Variants in RAB11FIP4 observed in about 807,000 individuals in gnomAD.
The protein encoded by RAB11FIP4 is rab11 family-interacting protein 4.
A neutral mutation model predicts 74.3 loss-of-function variants in RAB11FIP4; 23 were observed. That is an observed-to-expected ratio of 0.31 (90% CI 0.22 to 0.44). The LOEUF is 0.44. Among genes scored for constraint, RAB11FIP4 ranks in the 20% least tolerant of loss-of-function variants. The pLI is 1.00. For synonymous variants in RAB11FIP4, 360 were observed against 359.9 expected, an observed-to-expected ratio of 1.00 and a Z score of 0.00; for missense variants, 630 against 863.9, an observed-to-expected ratio of 0.73 and a Z score of 3.39.
chr17:31,400,799 G>A (rs1444692885), intron 1 of RAB11FIP4, among the ~76,000 whole-genome samples: 3 of 152,228 alleles, frequency 2.0e-5, no homozygotes, highest in Admixed American at 6.5e-5. Flanking sequence ...AGACCTGAGT[G>A]CAGCTGTGGA....
At chr17:31,482,443 T>C (rs564662237) in intron 3 of RAB11FIP4, among the ~76,000 whole-genome samples, 1 of 152,118 alleles carries the variant, frequency 6.6e-6, no homozygotes, top group South Asian at 2.1e-4. Context: ...TACAAAAAGT[T>C]AGCTAAGTGT....
Position 31,535,059 on chromosome 17 carries a change from A to C in RAB11FIP4, c.*3327A>C, listed in dbSNP as rs1385349547. ...GTTTATCCTAGATTATTTTATTTTA[A>C]ATTGGTAGAATTCTTTGCGAACTGT... On this transcript the variant is annotated 3_prime_UTR_variant, in exon 15 of 15. Transcript: ENST00000621161. The C allele has an allele frequency of 2.6e-5, 4 of 152,606 alleles. No homozygotes were observed. The East Asian group carries it at 7.7e-4, about 29-fold the overall frequency. The allele number at this position is 152,606 out of a possible 1,614,324, so 9.5% of individuals were successfully genotyped here.
In RAB11FIP4 at chr17:31,528,751, C is replaced by T. The variant is rs866330533; in HGVS notation, c.1626C>T (p.Leu542=). The change falls in exon 13 of 15, where the codon CTC becomes CTT. Residue 542 remains leucine, a synonymous_variant. Transcript: ENST00000621161. ...EFNARAREVE[L]EHEVKRLKQE... ...ATGCCAGGGCCCGCGAGGTGGAGCT[C>T]GAGCACGAGGTCAAGCGGCTCAAGC... The T allele has an allele frequency of 4.3e-6, 7 of 1,610,626 alleles. No homozygotes were observed. The highest frequency in any genetic ancestry group is 1.1e-5 in the South Asian group (1 of 90,868).
In RAB11FIP4 at chr17:31,512,088, C is replaced by G. The variant is rs1023322191; in HGVS notation, c.337-5563C>G. Among the ~76,000 whole-genome samples the G allele has an allele frequency of 3.9e-5, 6 of 152,318 alleles. No individual in the cohort carries two copies. Among genetic ancestry groups the G allele is most frequent in the East Asian group, 1.9e-4 (1 of 5,174 alleles). ...CAGGTAATTCCTCAGCTTGGCTTCT[C>G]TGAGGAGGGTGGGCGTCCCTCCTGG... On this transcript the variant is annotated intron_variant, in intron 3 of 14. Coordinates refer to ENST00000621161, the MANE Select transcript of RAB11FIP4 (RefSeq NM_032932.6). This position sits in a 1 kb window ranked among gnomAD's most constrained non-coding sequence, Gnocchi z 4.1.
chr17:31,537,908 A>G lies in RAB11FIP4; in HGVS notation c.*6176A>G, dbSNP rs1567701324. ...GTCTTCTGAGGCCTACGTGGAATGA[A>G]CTACACATGTGGCCTCATGCCCAAG... On this transcript the variant is annotated 3_prime_UTR_variant, in exon 15 of 15. Coordinates refer to ENST00000621161, the MANE Select transcript of RAB11FIP4 (RefSeq NM_032932.6). The G allele has an allele frequency of 6.6e-6, 1 of 152,646 alleles. No individual in the cohort carries two copies. The highest frequency in any genetic ancestry group is 1.5e-5 in the Non-Finnish European group (1 of 68,068). The allele number at this position is 152,646 out of a possible 1,614,324, so 9.5% of individuals were successfully genotyped here.
chr17:31,483,142 G>T (rs562515413), intron 3 of RAB11FIP4, among the ~76,000 whole-genome samples: 1 of 137,022 alleles, frequency 7.3e-6, no homozygotes, highest in Non-Finnish European at 1.5e-5. Context: ...GCAGTGAGCC[G>T]AGATCATGCC....
intron 3 of RAB11FIP4, among the ~76,000 whole-genome samples, chr17:31,453,537 C>G (rs750718057): frequency 2.6e-5 from 4 of 151,754 alleles, no homozygotes; most frequent in Non-Finnish European, 5.9e-5. Context: ...CTCGTGTCTT[C>G]CTCCCAGGGT....
At chr17:31,394,296 T>G (rs1203477205) in intron 1 of RAB11FIP4, among the ~76,000 whole-genome samples, 1 of 152,260 alleles carries the variant, frequency 6.6e-6, no homozygotes, top group Non-Finnish European at 1.5e-5. Context: ...CTGTGCATAC[T>G]GTTTTGTAAC....
chr17:31,392,924 C>T (rs2070889596), intron 1 of RAB11FIP4, among the ~76,000 whole-genome samples: 1 of 152,174 alleles, frequency 6.6e-6, no homozygotes, highest in African/African-American at 2.4e-5. Flanking sequence ...GGCCTCAGGC[C>T]CTGCATGGGG....
At chr17:31,499,983 A>G (rs895179704) in intron 3 of RAB11FIP4, among the ~76,000 whole-genome samples, 1 of 152,160 alleles carries the variant, frequency 6.6e-6, no homozygotes, top group African/African-American at 2.4e-5. Context: ...AATCCCCAAC[A>G]GTTTGCCTCC....
chr17:31,437,591 C>G (rs1419522153), intron 3 of RAB11FIP4, among the ~76,000 whole-genome samples: 1 of 152,160 alleles, frequency 6.6e-6, no homozygotes, highest in Non-Finnish European at 1.5e-5. Context: ...GGCAGGCGCT[C>G]CATCCCTGTG....
chr17:31,528,315 A>G, intron 11 of RAB11FIP4, 91 bp from the exon 12 acceptor site: 3 of 1,447,500 alleles, frequency 2.1e-6, no homozygotes, highest in Non-Finnish European at 2.8e-6. Context: ...CTGCCTCGTG[A>G]AGATGGCTGA....
chr17:31,441,745 C>G (rs2071409091), intron 3 of RAB11FIP4, among the ~76,000 whole-genome samples: 1 of 151,882 alleles, frequency 6.6e-6, no homozygotes, highest in Non-Finnish European at 1.5e-5. Flanking sequence ...CCAGGCTGGC[C>G]TCGAACTCCT....
At chr17:31,516,784 G>A (rs556581912) in intron 3 of RAB11FIP4, among the ~76,000 whole-genome samples, 1 of 152,314 alleles carries the variant, frequency 6.6e-6, no homozygotes, top group South Asian at 2.1e-4. Flanking sequence ...GAAAACGAAA[G>A]TACACTCCAC....
intron 3 of RAB11FIP4, among the ~76,000 whole-genome samples, chr17:31,503,193 T>G (rs8070244): frequency 6.6e-6 from 1 of 150,760 alleles, no homozygotes; most frequent in Non-Finnish European, 1.5e-5. Context: ...CCACCACGCC[T>G]GGCTAATTTT....
intron 1 of RAB11FIP4, among the ~76,000 whole-genome samples, chr17:31,399,452 C>A (rs868446728): frequency 7.2e-5 from 11 of 152,290 alleles, no homozygotes; most frequent in Middle Eastern, 3.4e-3. Flanking sequence ...GTGGCTCAAC[C>A]CTGTCATCCC....
chr17:31,525,375 C>CT lies in RAB11FIP4; in HGVS notation c.1274+148dup. The CT allele has an allele frequency of 8.0e-6, 6 of 745,734 alleles. No homozygotes were observed. In the South Asian group the frequency reaches 1.1e-4, roughly 14 times the overall value. 46.2% of individuals were successfully genotyped at this position (745,734 alleles called of 1,614,324 possible). ...AGACTTTCCAGTAGTAACAGTTCCA[C>CT]TTTAATACCACGAGAAACACAGAGG... On this transcript the variant is annotated intron_variant, in intron 10 of 14. Transcript: ENST00000621161.
intron 1 of RAB11FIP4, among the ~76,000 whole-genome samples, chr17:31,399,582 A>C (rs1440956340): frequency 6.6e-6 from 1 of 151,106 alleles, no homozygotes; most frequent in Non-Finnish European, 1.5e-5. Flanking sequence ...GCGTGGTGGC[A>C]TGCGCCTGTA....
chr17:31,528,111 G>A (rs982627643), intron 11 of RAB11FIP4, among the ~76,000 whole-genome samples, 188 bp downstream of exon 11: 1 of 150,528 alleles, frequency 6.6e-6, no homozygotes, highest in African/African-American at 2.4e-5. Flanking sequence ...TTTATACAAT[G>A]GAGAAAAATT....
Sources: gnomAD v4.1 joint callset for allele counts (sites outside exome capture counted in the v4.1 genomes callset) on GRCh38, gnomAD v4.1.1 for gene constraint, Gnocchi (gnomAD v3.1) non-coding constraint, MANE v1.5 for transcripts, NCBI Gene and HGNC (gene_info 2026-07-23, HGNC 2026-07-21) for gene names.